The following NEDD4 variants were observed in gnomAD, a reference collection of about 807,000 sequenced individuals.
NEDD4 encodes the protein E3 ubiquitin-protein ligase NEDD4.
Under a neutral mutation model 144.9 loss-of-function variants are expected in NEDD4, and 99 were observed. The ratio of observed to expected loss-of-function variants is 0.68; its 90% CI spans 0.58 to 0.81. The LOEUF is 0.81. Ranked by LOEUF, NEDD4 falls within the 30% of genes least tolerant of loss-of-function variation. The probability of loss-of-function intolerance (pLI) is 0.00; values close to 1 mark genes in which losing one functional copy is unlikely to be tolerated. For synonymous variants in NEDD4, 318 were observed against 350.6 expected (o/e 0.91, Z 1.04); for missense variants, 985 against 1,065.9 (o/e 0.92, Z 1.06).
chr15:55,974,436 A>T lies in NEDD4; in HGVS notation c.46-7890T>A, dbSNP rs142680915. ...ATTCTATAAGGCCAATATTACTCTG[A>T]TATCAAAACCAGACAAAGATCCATT... On this transcript the variant is annotated intron_variant, in intron 1 of 28. Coordinates refer to ENST00000435532, the MANE Select transcript of NEDD4 (RefSeq NM_006154.4). Among the ~76,000 whole-genome samples the T allele has an allele frequency of 8.6e-3, 1,315 of 152,298 alleles. 22 individuals are homozygous for T. Among genetic ancestry groups the T allele is most frequent in the African/African-American group, 0.03 (1,267 of 41,556 alleles).
chr15:55,920,969 C>T (rs1393924055), intron 5 of NEDD4, among the ~76,000 whole-genome samples: 2 of 152,096 alleles, frequency 1.3e-5, no homozygotes, highest in Admixed American at 6.5e-5. Context: ...GCTGTATTTC[C>T]CACTCATAGA....
At chr15:55,939,375 T>G (rs1418192385) in intron 4 of NEDD4, among the ~76,000 whole-genome samples, 1 of 152,186 alleles carries the variant, frequency 6.6e-6, no homozygotes, top group East Asian at 1.9e-4. Context: ...GGTGCCCGCT[T>G]CCTGTTCATC....
chr15:55,933,446 G>T (rs547490321), intron 4 of NEDD4, among the ~76,000 whole-genome samples: 6 of 147,962 alleles, frequency 4.1e-5, no homozygotes, highest in African/African-American at 1.5e-4. Flanking sequence ...ACCAAACACC[G>T]CATGTTCTCA....
chr15:55,924,812 A>G (rs1319795949), intron 4 of NEDD4, 113 bp from the exon 5 acceptor site: 1 of 1,031,314 alleles, frequency 9.7e-7, no homozygotes, highest in East Asian at 2.7e-5. Context: ...TCATGCCTGT[A>G]ATCCCAGCAC....
chr15:55,929,063 A>G (rs1410683659), intron 4 of NEDD4, among the ~76,000 whole-genome samples: 3 of 152,238 alleles, frequency 2.0e-5, no homozygotes, highest in African/African-American at 7.2e-5. Flanking sequence ...GAGTAATTTC[A>G]ACAGTTACCT....
At chr15:55,969,670 C>T (rs2037575091) in intron 1 of NEDD4, among the ~76,000 whole-genome samples, 1 of 152,106 alleles carries the variant, frequency 6.6e-6, no homozygotes, top group Non-Finnish European at 1.5e-5. Flanking sequence ...CAGAGGGGAA[C>T]CTGCCACCCT....
chr15:55,955,885 G>A (rs944976663), intron 2 of NEDD4, among the ~76,000 whole-genome samples: 4 of 147,974 alleles, frequency 2.7e-5, no homozygotes, highest in Admixed American at 6.9e-5. Context: ...GCACAAACAC[G>A]GCTCACTGTA....
intron 5 of NEDD4, among the ~76,000 whole-genome samples, chr15:55,878,248 TA>T (rs1416661792): frequency 1.3e-5 from 2 of 152,006 alleles, no homozygotes; most frequent in African/African-American, 2.4e-5. Flanking sequence ...TTACCACAAA[TA>T]AAAAGAAACA....
At chr15:55,880,164 T>G (rs1471438632) in intron 5 of NEDD4, among the ~76,000 whole-genome samples, 1 of 152,062 alleles carries the variant, frequency 6.6e-6, no homozygotes, top group Non-Finnish European at 1.5e-5. Flanking sequence ...TAGTGGTACA[T>G]GCCTTTAATC....
intron 11 of NEDD4, among the ~76,000 whole-genome samples, chr15:55,860,074 C>A (rs528896212): frequency 6.6e-6 from 1 of 152,302 alleles, no homozygotes; most frequent in African/African-American, 2.4e-5. Context: ...TCCCTGAAGT[C>A]TTTTCTAACA....
At chr15:55,896,963 T>C in intron 5 of NEDD4, among the ~76,000 whole-genome samples, 1 of 151,940 alleles carries the variant, frequency 6.6e-6, no homozygotes, top group East Asian at 1.9e-4. Context: ...TATAAAATAT[T>C]AAATATGATT....
chr15:55,901,678 T>G (rs1158767505), intron 5 of NEDD4, among the ~76,000 whole-genome samples: 3 of 152,156 alleles, frequency 2.0e-5, no homozygotes, highest in Non-Finnish European at 4.4e-5. Flanking sequence ...TTTCATGCAT[T>G]TCCCATTACT....
chr15:55,946,340 A>G (rs1394461801), intron 4 of NEDD4, among the ~76,000 whole-genome samples: 1 of 152,192 alleles, frequency 6.6e-6, no homozygotes, highest in Non-Finnish European at 1.5e-5. Context: ...AAAACAAAAA[A>G]AGCAGGGGTT....
At chr15:55,915,684 C>T (rs746298752) in intron 5 of NEDD4, 19 of 1,613,764 alleles carry the variant, frequency 1.2e-5, no homozygotes, top group Non-Finnish European at 1.5e-5. Flanking sequence ...AGCTGCTTTT[C>T]GTTGGGTGAA....
chr15:55,919,824 G>A (rs549564022), intron 5 of NEDD4, among the ~76,000 whole-genome samples: 1 of 152,294 alleles, frequency 6.6e-6, no homozygotes, highest in South Asian at 2.1e-4. Flanking sequence ...TAGGCTCTGG[G>A]TAATCTTAAT....
intron 11 of NEDD4, among the ~76,000 whole-genome samples, chr15:55,858,884 C>T (rs1360094159): frequency 3.9e-5 from 6 of 152,084 alleles, no homozygotes; most frequent in East Asian, 1.9e-4. Flanking sequence ...CAGATGATGT[C>T]GTGTGAAAGC....
Position 55,848,797 on chromosome 15 carries a change from T to C in NEDD4, c.1428+9A>G, listed in dbSNP as rs12232351. 3.7e-6 allele frequency: 6 copies of C among 1,610,390 alleles called. No homozygotes were observed. Among genetic ancestry groups the C allele is most frequent in the African/African-American group, 1.3e-5 (1 of 74,912 alleles). On this transcript the variant is annotated intron_variant, in intron 15 of 28. Transcript: ENST00000435532. Reference sequence around the variant, plus strand: ...CAAGTTAGATGGGTTAGCATTTCTATACACTTACAGGTAAAGGCCCTAGAT... The same window carrying C: ...CAAGTTAGATGGGTTAGCATTTCTACACACTTACAGGTAAAGGCCCTAGAT...
intron 4 of NEDD4, among the ~76,000 whole-genome samples, chr15:55,946,958 A>G (rs1290586660): frequency 1.3e-5 from 2 of 152,228 alleles, no homozygotes; most frequent in African/African-American, 2.4e-5. Flanking sequence ...TTTGAAACCA[A>G]TGAGAACAAA....
At chr15:55,853,435 A>G (rs1368205815) in intron 12 of NEDD4, among the ~76,000 whole-genome samples, 1 of 152,224 alleles carries the variant, frequency 6.6e-6, no homozygotes, top group Non-Finnish European at 1.5e-5. Flanking sequence ...AGAAGCTTAC[A>G]ATATGGAAGT....
Sources: allele counts gnomAD v4.1 joint callset (sites outside exome capture counted in the v4.1 genomes callset), GRCh38; gene constraint gnomAD v4.1.1; transcripts MANE v1.5; gene names NCBI Gene and HGNC (gene_info 2026-07-23, HGNC 2026-07-21).